The following RBM33 variants were observed in gnomAD, a reference collection of about 807,000 sequenced individuals.
RBM33 encodes RNA-binding protein 33.
In RBM33, 28 loss-of-function variants were observed where a neutral mutation model predicts 132.6. The ratio of observed to expected loss-of-function variants is 0.21; its 90% CI spans 0.16 to 0.29. The LOEUF (loss-of-function observed/expected upper bound fraction) is 0.29, where lower values mean the gene tolerates loss of function less well. RBM33 is among the 10% of genes least tolerant of loss of function. The probability of loss-of-function intolerance (pLI) is 1.00; values close to 1 mark genes in which losing one functional copy is unlikely to be tolerated. For synonymous variants in RBM33, 634 were observed against 593.0 expected, an observed-to-expected ratio of 1.07 and a Z score of -1.01; for missense variants, 1,291 against 1,518.5, an observed-to-expected ratio of 0.85 and a Z score of 2.49.
chr7:155,681,879 T>G lies in RBM33; in HGVS notation c.567+971T>G, dbSNP rs1187607141. ...AGGATTAATTGTTTATGTGGAACCT[T>G]TGAATATTTAGTTCCAGTCATGATT... On this transcript the variant is annotated intron_variant, in intron 5 of 17. Coordinates refer to ENST00000401878, the MANE Select transcript of RBM33 (RefSeq NM_053043.3). Among the ~76,000 whole-genome samples, 2 of 152,152 alleles carry G rather than the reference T, an allele frequency of 1.3e-5. 1 individual carries two copies. The highest frequency in any genetic ancestry group is 6.3e-3 in the Middle Eastern group (2 of 316).
chr7:155,661,982 G>T (rs1306308675), intron 1 of RBM33, among the ~76,000 whole-genome samples: 2 of 151,884 alleles, frequency 1.3e-5, no homozygotes, highest in Non-Finnish European at 2.9e-5. Context: ...AGCAACTCTG[G>T]GTGCTGGTCT....
At chr7:155,765,753 G>T (rs977412593) in intron 15 of RBM33, among the ~76,000 whole-genome samples, 2 of 152,198 alleles carry the variant, frequency 1.3e-5, no homozygotes, top group African/African-American at 4.8e-5. Flanking sequence ...TTCTTTAAAA[G>T]TTCCTTGAGC....
chr7:155,728,370 T>C (rs1800854379), intron 9 of RBM33, among the ~76,000 whole-genome samples: 1 of 152,154 alleles, frequency 6.6e-6, no homozygotes, highest in African/African-American at 2.4e-5. Context: ...CTCACTGCCC[T>C]TCACCCAGCT....
intron 11 of RBM33, 43 bp downstream of exon 11, chr7:155,738,446 T>C: frequency 6.5e-7 from 1 of 1,532,534 alleles, no homozygotes. Context: ...AATGTGTAGC[T>C]TCAAGGCTTT....
At chr7:155,694,962 TAACA>T (rs960642737) in intron 5 of RBM33, among the ~76,000 whole-genome samples, 1 of 152,224 alleles carries the variant, frequency 6.6e-6, no homozygotes, top group Non-Finnish European at 1.5e-5. Flanking sequence ...TTTACTTTTA[TAACA>T]AACCACTATT....
Position 155,745,120 on chromosome 7 carries a change from C to T in RBM33, c.2497C>T (p.Gln833Ter). Residue 833 changes from glutamine (Q) to a stop codon, truncating the protein, a stop_gained, in exon 14 of 18, where the codon CAG (glutamine) becomes TAG (stop). Coordinates refer to ENST00000401878, the MANE Select transcript of RBM33 (RefSeq NM_053043.3). LOFTEE classifies it high-confidence loss of function. The surrounding 1 kb of genome is among the most constrained non-coding windows in gnomAD (Gnocchi z 4.1). Reference sequence around the variant, plus strand: ...GGAGAGACTCGCGCAGCAACAGCAGCAGCTGTACGCTCCCCCACCCCCAGC... The same window carrying T: ...GGAGAGACTCGCGCAGCAACAGCAGTAGCTGTACGCTCCCCCACCCCCAGC... Reference protein sequence around the residue: ...LLERLAQQQQQLYAPPPPAEQ... With the variant: ...LLERLAQQQQ 6.3e-7 allele frequency: 1 copy of T among 1,599,532 alleles called. No homozygotes were observed. The highest frequency in any genetic ancestry group is 8.5e-7 in the Non-Finnish European group (1 of 1,172,586).
chr7:155,750,029 C>G (rs1801644906), intron 14 of RBM33, among the ~76,000 whole-genome samples: 1 of 152,172 alleles, frequency 6.6e-6, no homozygotes, highest in Non-Finnish European at 1.5e-5. Flanking sequence ...ATTTTACTGT[C>G]TGGATTTGCT....
At chr7:155,746,858 AC>A (rs1357238160) in intron 14 of RBM33, among the ~76,000 whole-genome samples, 2 of 152,382 alleles carry the variant, frequency 1.3e-5, no homozygotes, top group East Asian at 3.8e-4. Context: ...TTTAAAAGAC[AC>A]AAAAAATGTA....
At chr7:155,665,039 G>A (rs1280636270) in intron 1 of RBM33, 136 bp from the exon 2 acceptor site, 6 of 612,110 alleles carry the variant, frequency 9.8e-6, no homozygotes, top group Non-Finnish European at 1.4e-5. Flanking sequence ...AAAGTAAAAT[G>A]ATAGTTACAT....
intron 5 of RBM33, among the ~76,000 whole-genome samples, chr7:155,696,784 A>G (rs913908838): frequency 6.6e-6 from 1 of 152,196 alleles, no homozygotes. Context: ...CCCAAGCCAC[A>G]TAACCCATCG....
chr7:155,690,555 C>T (rs1295685084), intron 5 of RBM33, among the ~76,000 whole-genome samples: 3 of 152,116 alleles, frequency 2.0e-5, no homozygotes, highest in African/African-American at 4.8e-5. Context: ...GCAGTTTCTT[C>T]CTAGTATCGA....
At chr7:155,717,224 A>G (rs1800487711) in intron 8 of RBM33, among the ~76,000 whole-genome samples, 1 of 152,214 alleles carries the variant, frequency 6.6e-6, no homozygotes, top group African/African-American at 2.4e-5. Flanking sequence ...GTTAAACAAC[A>G]GAAACTTATT....
chr7:155,662,525 C>CA (rs1260244144), intron 1 of RBM33, among the ~76,000 whole-genome samples: 1 of 152,102 alleles, frequency 6.6e-6, no homozygotes, highest in Non-Finnish European at 1.5e-5. Context: ...CCCCGCCCCC[C>CA]CCGCTCTGAG....
chr7:155,772,440 G>T (rs374644708), intron 16 of RBM33, among the ~76,000 whole-genome samples: 3 of 152,206 alleles, frequency 2.0e-5, no homozygotes, highest in East Asian at 1.9e-4. Flanking sequence ...ATACACAAAA[G>T]GGGTGCATGC....
intron 3 of RBM33, among the ~76,000 whole-genome samples, chr7:155,673,276 G>T (rs1267269399): frequency 6.6e-6 from 1 of 152,004 alleles, no homozygotes; most frequent in African/African-American, 2.4e-5. Flanking sequence ...GGCATTCAGA[G>T]ATAAGCTTAA....
chr7:155,673,940 G>GTTGTTTTTTGTTTTTGTTTTTTTTT, intron 3 of RBM33, among the ~76,000 whole-genome samples: 6 of 54,214 alleles, frequency 1.1e-4, no homozygotes, highest in Admixed American at 5.3e-4. Flanking sequence ...TTTAGGCTTA[G>GTTGTTTTTTGTTTTTGTTTTTTTTT]TTTTTTTTTT....
chr7:155,713,056 T>TG (rs1800352798), intron 8 of RBM33, among the ~76,000 whole-genome samples: 1 of 151,862 alleles, frequency 6.6e-6, no homozygotes, highest in Non-Finnish European at 1.5e-5. Flanking sequence ...AGTAGGAAGA[T>TG]GGGGCCGATG....
chr7:155,682,960 T>A (rs577442594), intron 5 of RBM33, among the ~76,000 whole-genome samples: 1 of 152,232 alleles, frequency 6.6e-6, no homozygotes, highest in East Asian at 1.9e-4. Flanking sequence ...CTCACGGTAC[T>A]CTTCCACATT....
At chr7:155,647,630 C>T (rs140758260) in intron 1 of RBM33, among the ~76,000 whole-genome samples, 4,108 of 152,174 alleles carry the variant, frequency 0.027, 91 homozygotes, top group South Asian at 0.055. Context: ...AGGGTTTTGC[C>T]AAGGTGCCCA....
Sources: allele counts gnomAD v4.1 joint callset (sites outside exome capture counted in the v4.1 genomes callset), GRCh38; gene constraint gnomAD v4.1.1; non-coding constraint Gnocchi (gnomAD v3.1); transcripts MANE v1.5; gene names NCBI Gene and HGNC (gene_info 2026-07-23, HGNC 2026-07-21).